The following ARHGAP22 variants were observed in gnomAD, a reference collection of about 807,000 sequenced individuals.
ARHGAP22 encodes the protein rho GTPase-activating protein 22.
ARHGAP22 carries 48 observed loss-of-function variants against 59.1 expected under a neutral mutation model. The ratio of observed to expected loss-of-function variants is 0.81; its 90% CI spans 0.64 to 1.03. The LOEUF (loss-of-function observed/expected upper bound fraction) is 1.03, where lower values mean the gene tolerates loss of function less well. Ranked by LOEUF, ARHGAP22 falls within the 50% of genes least tolerant of loss-of-function variation. The pLI, the probability that ARHGAP22 is intolerant of heterozygous loss-of-function variation, is 0.00. For missense variants in ARHGAP22, 1,015 were observed against 958.7 expected (o/e 1.06, Z -0.78); for synonymous variants, 445 against 416.4 (o/e 1.07, Z -0.84).
chr10:48,554,018 T>C lies in ARHGAP22; in HGVS notation c.322+1445A>G, dbSNP rs185499149. On this transcript the variant is annotated intron_variant, in intron 3 of 9. Coordinates refer to ENST00000249601, the MANE Select transcript of ARHGAP22 (RefSeq NM_021226.4). ...TCTGAATAGCTGAGGCCTTTTCTCC[T>C]GGTTCCACAGTCAACCTCTGTTTTC... Among the ~76,000 whole-genome samples, 100 of 152,362 alleles carry C rather than the reference T, an allele frequency of 6.6e-4. 1 individual carries two copies. The highest frequency in any genetic ancestry group is 2.6e-3 in the Admixed American group (40 of 15,310).
At chr10:48,611,904 C>T (rs1254791982) in intron 1 of ARHGAP22, among the ~76,000 whole-genome samples, 5 of 127,160 alleles carry the variant, frequency 3.9e-5, no homozygotes, top group Admixed American at 1.8e-4. Context: ...CTTCACTTTC[C>T]TTCTGCCTCC....
intron 7 of ARHGAP22, 84 bp from the exon 8 acceptor site, chr10:48,453,509 C>T: frequency 6.3e-7 from 1 of 1,586,010 alleles, no homozygotes; most frequent in Non-Finnish European, 8.6e-7. Context: ...CACCGCCACA[C>T]CCCTGCTGAG....
chr10:48,496,672 G>A (rs1286394610), intron 3 of ARHGAP22, among the ~76,000 whole-genome samples: 4 of 152,154 alleles, frequency 2.6e-5, no homozygotes, highest in Non-Finnish European at 5.9e-5. Flanking sequence ...ATCGCCTGGT[G>A]CCTGCCAGAA....
At chr10:48,606,584 C>T (rs112950906), upstream of ARHGAP22, among the ~76,000 whole-genome samples, 3 of 152,182 alleles carry the variant, frequency 2.0e-5, no homozygotes, top group Non-Finnish European at 4.4e-5. Flanking sequence ...GCACATACAG[C>T]GCCTGCTCCT....
At chr10:48,447,209 TA>T (rs1186828920) in intron 9 of ARHGAP22, among the ~76,000 whole-genome samples, 1 of 152,226 alleles carries the variant, frequency 6.6e-6, no homozygotes, top group Admixed American at 6.5e-5. Flanking sequence ...CCAGAGCCTA[TA>T]CCACACGCTT....
At chr10:48,495,192 G>C (rs1045374705) in intron 3 of ARHGAP22, among the ~76,000 whole-genome samples, 4 of 152,170 alleles carry the variant, frequency 2.6e-5, no homozygotes, top group Admixed American at 1.3e-4. Flanking sequence ...AAAGGCTCAG[G>C]GTTCAGTGAA....
Position 48,479,592 on chromosome 10 carries a change from A to T in ARHGAP22, c.451+44T>A, listed in dbSNP as rs776745629. 5 of 1,613,538 alleles carry T rather than the reference A, an allele frequency of 3.1e-6. No individual in the cohort carries two copies. In the South Asian group the frequency reaches 5.5e-5, roughly 18 times the overall value. On this transcript the variant is annotated intron_variant, in intron 4 of 9. Transcript: ENST00000249601. ...ACAGGCAGGGGGCATGATTACCTGG[A>T]GGCAAGGGTTCTAGAGGGTGGGCAT...
At chr10:48,437,305 A>G in the ARHGAP22 span, 1 of 152,220 alleles carries the variant, frequency 6.6e-6, no homozygotes, top group African/African-American at 2.4e-5. Context: ...TGTTAAGCTA[A>G]ATATATGTTG....
chr10:48,498,260 A>T (rs1316014375), intron 3 of ARHGAP22, among the ~76,000 whole-genome samples: 2 of 152,240 alleles, frequency 1.3e-5, no homozygotes, highest in East Asian at 1.9e-4. Flanking sequence ...GGACCACGGC[A>T]GCCACACTGC....
At chr10:48,552,214 TG>T (rs1215299641) in intron 3 of ARHGAP22, among the ~76,000 whole-genome samples, 21 of 152,278 alleles carry the variant, frequency 1.4e-4, no homozygotes, top group African/African-American at 2.4e-4. Flanking sequence ...TTCCCCCTCT[TG>T]GGGGTGCTGG....
chr10:48,446,592 T>G lies in ARHGAP22; in HGVS notation c.1896A>C (p.Arg632Ser). 6.2e-7 allele frequency: 1 copy of G among 1,614,212 alleles called. No individual in the cohort carries two copies. The highest frequency in any genetic ancestry group is 1.1e-5 in the South Asian group (1 of 91,078). The change falls in exon 10 of 10, where the codon AGA (arginine) becomes AGC (serine). Residue 632 changes from arginine to serine, a missense_variant. By Grantham distance (110) the Arg-to-Ser change is moderately radical. Transcript: ENST00000249601. ...CTTCTTCTAACCGGGACATTCGTTT[T>G]CTCAGGTCAGCACTCCCTTCTTCGA... ...KRIEEGSADL[R>S]KRMSRLEEEL...
At chr10:48,555,600 G>T (rs1019867838) in intron 2 of ARHGAP22, 50 bp from the exon 3 acceptor site, 8 of 1,576,050 alleles carry the variant, frequency 5.1e-6, no homozygotes, top group African/African-American at 1.3e-5. Flanking sequence ...GATGGGGAGG[G>T]GACTGCTGTC....
In ARHGAP22 at chr10:48,516,478, T is replaced by G. The variant is rs189217750; in HGVS notation, c.323-36714A>C. 6.2e-4 allele frequency among the ~76,000 whole-genome samples: 94 copies of G among 152,176 alleles called. 2 individuals carry two copies. In the South Asian group the frequency reaches 1.0e-2, roughly 16 times the overall value. On this transcript the variant is annotated intron_variant, in intron 3 of 9. Coordinates refer to ENST00000249601, the MANE Select transcript of ARHGAP22 (RefSeq NM_021226.4). ...AGAGGTTTGAAGCTGCAGTGAGCCA[T>G]GATTGTACCACTGGACTCCAGCCTG...
At chr10:48,457,303 G>A (rs965445548) in intron 5 of ARHGAP22, among the ~76,000 whole-genome samples, 1 of 152,112 alleles carries the variant, frequency 6.6e-6, no homozygotes, top group South Asian at 2.1e-4. Flanking sequence ...CCCCAGCCGG[G>A]CCGCCTGCTT....
chr10:48,525,521 C>T (rs1015510935), intron 3 of ARHGAP22, among the ~76,000 whole-genome samples: 1 of 152,130 alleles, frequency 6.6e-6, no homozygotes, highest in African/African-American at 2.4e-5. Context: ...TGCAGTGAGC[C>T]GAGATTCGGC....
upstream of ARHGAP22, among the ~76,000 whole-genome samples, chr10:48,654,341 C>A (rs1362362799): frequency 1.3e-5 from 2 of 152,344 alleles, no homozygotes; most frequent in African/African-American, 4.8e-5. Flanking sequence ...AAGAGCCTAT[C>A]TTCCAGTGTC....
At chr10:48,594,098 T>C (rs2059927069) in intron 1 of ARHGAP22, among the ~76,000 whole-genome samples, 1 of 152,236 alleles carries the variant, frequency 6.6e-6, no homozygotes, top group East Asian at 1.9e-4. Flanking sequence ...TACATGCTTA[T>C]GAGTATTTAT....
intron 3 of ARHGAP22, among the ~76,000 whole-genome samples, chr10:48,504,843 A>T (rs1311441512): frequency 6.6e-6 from 1 of 152,054 alleles, no homozygotes; most frequent in South Asian, 2.1e-4. Context: ...GACTCAGCAG[A>T]ACTTGCTCAT....
the ARHGAP22 span, among the ~76,000 whole-genome samples, chr10:48,439,987 C>T: frequency 6.6e-6 from 1 of 152,236 alleles, no homozygotes; most frequent in African/African-American, 2.4e-5. Flanking sequence ...GCTGTTTCAT[C>T]ACCGTCATAG....
Sources: allele counts gnomAD v4.1 joint callset (sites outside exome capture counted in the v4.1 genomes callset), GRCh38; gene constraint gnomAD v4.1.1; transcripts MANE v1.5; gene names NCBI Gene and HGNC (gene_info 2026-07-23, HGNC 2026-07-21).